VIRMA: variants seen among roughly 807,000 people sequenced by gnomAD.
VIRMA encodes the protein protein virilizer homolog.
VIRMA carries 65 observed loss-of-function variants against 182.4 expected under a neutral mutation model. The observed-to-expected ratio is 0.36, with a 90% CI of 0.29 to 0.44. The LOEUF is 0.44. Ranked by LOEUF, VIRMA falls within the 20% of genes least tolerant of loss-of-function variation. The pLI is 1.00. For synonymous variants in VIRMA, 709 were observed against 743.1 expected (o/e 0.95, Z 0.75); for missense variants, 1,752 against 2,158.1 (o/e 0.81, Z 3.73).
At position 94,530,885 on chromosome 8, in the gene VIRMA, A is replaced by G. The variant is rs1399957113; in HGVS notation, c.607+78T>C. On this transcript the variant is annotated intron_variant, in intron 6 of 23. Transcript: ENST00000297591. ...CACTGTACTCCACCCTGGGCAACAGAGTGAGACCATCTCAAAACAAAAACA... is the reference window on the plus strand; with the variant it reads ...CACTGTACTCCACCCTGGGCAACAGGGTGAGACCATCTCAAAACAAAAACA... 7 of 1,497,422 alleles carry G rather than the reference A, an allele frequency of 4.7e-6. No individual in the cohort carries two copies. The East Asian group carries it at 7.2e-5, about 15-fold the overall frequency. 92.8% of individuals were successfully genotyped at this position (1,497,422 alleles called of 1,614,324 possible).
chr8:94,510,909 G>T, intron 13 of VIRMA: 2 of 1,126,756 alleles, frequency 1.8e-6, no homozygotes, highest in Non-Finnish European at 2.4e-6. Flanking sequence ...CACATGGTAA[G>T]GTGTGGGGGA....
In VIRMA at chr8:94,516,094, G is replaced by A. The variant is rs766088012; in HGVS notation, c.2669-1143C>T. On this transcript the variant is annotated intron_variant, in intron 10 of 23. Transcript: ENST00000297591. ...CTACACTCCAGCCTGGAGACGGTGC[G>A]AGACTCTGTCTCAAAAAAAATGTAC... 3.9e-5 allele frequency among the ~76,000 whole-genome samples: 6 copies of A among 152,032 alleles called. No homozygotes were observed. In the South Asian group the frequency reaches 6.2e-4, roughly 16 times the overall value.
intron 16 of VIRMA, among the ~76,000 whole-genome samples, chr8:94,501,523 G>A (rs557853722): frequency 2.0e-5 from 3 of 152,282 alleles, no homozygotes; most frequent in East Asian, 3.9e-4. Context: ...ATGAGTTTGA[G>A]ACTGCTACTT....
chr8:94,533,017 G>GTA (rs1815223486), intron 5 of VIRMA, among the ~76,000 whole-genome samples: 1 of 151,888 alleles, frequency 6.6e-6, no homozygotes, highest in Non-Finnish European at 1.5e-5. Context: ...AAAAACACAT[G>GTA]TATATATATG....
Position 94,519,242 on chromosome 8 carries a change from A to G in VIRMA, c.2256T>C (p.Val752=). ...GCCACAAGGCAAATGCATCATCAAT[A>G]ACACCATCAGATTGGAGACCTTCCT... ...DEEEGLQSDG[V]IDDAFALWLQ... The change falls in exon 9 of 24, where the codon GTT becomes GTC. Residue 752 remains valine (V), a synonymous_variant. Coordinates refer to ENST00000297591, the MANE Select transcript of VIRMA (RefSeq NM_015496.5). 1 of 1,614,216 alleles carries G rather than the reference A, an allele frequency of 6.2e-7. No individual in the cohort carries two copies. The highest frequency in any genetic ancestry group is 1.3e-5 in the African/African-American group (1 of 75,064).
intron 8 of VIRMA, among the ~76,000 whole-genome samples, chr8:94,520,611 GT>G (rs1814728230): frequency 6.6e-6 from 1 of 151,990 alleles, no homozygotes; most frequent in Admixed American, 6.6e-5. Flanking sequence ...CATTTATATT[GT>G]ACTATGTATT....
chr8:94,489,206 T>C (rs1436811856), intron 23 of VIRMA, among the ~76,000 whole-genome samples: 2 of 152,232 alleles, frequency 1.3e-5, no homozygotes, highest in African/African-American at 4.8e-5. Context: ...AAAAAATATA[T>C]GCTGTATAAA....
At chr8:94,493,456 TAAC>T (rs1283359353) in intron 20 of VIRMA, among the ~76,000 whole-genome samples, 4 of 152,342 alleles carry the variant, frequency 2.6e-5, no homozygotes, top group East Asian at 1.9e-4. Context: ...TGGTAGCCAC[TAAC>T]AACATGTGCC....
chr8:94,492,507 C>G (rs879379916), intron 21 of VIRMA, 145 bp downstream of exon 21: 2 of 535,486 alleles, frequency 3.7e-6, no homozygotes, highest in East Asian at 6.2e-5. Flanking sequence ...CCAGAATGGT[C>G]TCGATCTCCT....
intron 7 of VIRMA, 51 bp downstream of exon 7, chr8:94,529,019 C>T (rs371367717): frequency 2.8e-5 from 44 of 1,592,734 alleles, no homozygotes; most frequent in African/African-American, 6.7e-5. Context: ...AAAGCTGTAT[C>T]GAGTTAGTTT....
chr8:94,493,783 C>G (rs1419174610), intron 20 of VIRMA, among the ~76,000 whole-genome samples: 2 of 152,112 alleles, frequency 1.3e-5, no homozygotes, highest in Non-Finnish European at 2.9e-5. Context: ...ATATGATGAA[C>G]ACCAGTATGT....
chr8:94,509,642 A>C (rs1814290435), intron 15 of VIRMA, 46 bp downstream of exon 15: 1 of 1,554,500 alleles, frequency 6.4e-7, no homozygotes, highest in African/African-American at 1.4e-5. Flanking sequence ...ACACACACAC[A>C]CACATACACA....
At chr8:94,495,092 C>G in intron 19 of VIRMA, 136 bp from the exon 20 acceptor site, 1 of 682,376 alleles carries the variant, frequency 1.5e-6, no homozygotes, top group East Asian at 2.8e-5. Context: ...CCTTGATCTC[C>G]TGGGCTCAAG....
Position 94,553,429 on chromosome 8 carries a change from T to A in VIRMA, c.19A>T (p.Met7Leu). 2 of 1,614,072 alleles carry A rather than the reference T, an allele frequency of 1.2e-6. No individual in the cohort carries two copies. Among genetic ancestry groups the A allele is most frequent in the African/African-American group, 1.3e-5 (1 of 75,000 alleles). The change falls in exon 1 of 24, where the codon ATG becomes TTG. Residue 7 changes from methionine to leucine, a missense_variant. Met to Leu is a conservative substitution (Grantham distance 15). Coordinates refer to ENST00000297591, the MANE Select transcript of VIRMA (RefSeq NM_015496.5). Reference protein sequence around the residue: MAVDSAMELLFLDTFKH... With the variant: MAVDSALELLFLDTFKH... ...AAAGTATCTAAAAATAACAGCTCCA[T>A]CGCCGAGTCCACCGCCATGTTTGCC...
intron 18 of VIRMA, 35 bp downstream of exon 18, chr8:94,496,293 A>T (rs775336655): frequency 6.3e-7 from 1 of 1,576,082 alleles, no homozygotes; most frequent in Non-Finnish European, 8.6e-7. Context: ...AGAGGAAAAT[A>T]GGCCTTAAGA....
At chr8:94,529,456 C>G in intron 6 of VIRMA, 114 bp from the exon 7 acceptor site, 1 of 617,356 alleles carries the variant, frequency 1.6e-6, no homozygotes, top group Non-Finnish European at 2.9e-6. Flanking sequence ...TATAAATACC[C>G]TTAAAAAAAA....
chr8:94,525,872 G>A (rs559073551), intron 8 of VIRMA, among the ~76,000 whole-genome samples: 1 of 152,256 alleles, frequency 6.6e-6, no homozygotes, highest in East Asian at 1.9e-4. Flanking sequence ...GTACAGATGG[G>A]TTCACACAGA....
chr8:94,488,791 G>T lies in VIRMA; in HGVS notation c.5354C>A (p.Ala1785Glu), dbSNP rs746051731. Residue 1785 changes from alanine to glutamate, a missense_variant, in exon 24 of 24, where the codon GCA becomes GAA. This residue lies in a region of VIRMA where 132 missense variants were observed against 173.8 expected (regional missense o/e 0.76). Coordinates refer to ENST00000297591, the MANE Select transcript of VIRMA (RefSeq NM_015496.5). ...TCTTGAGCCTCCACTGCCGCTATTT[G>T]CACTAGCCCAGGAAGGTCCAAGTCC... Reference protein sequence around the residue: ...RGGLGPSWASANSGSGGSRGK... With the variant: ...RGGLGPSWASENSGSGGSRGK... 6.2e-6 allele frequency: 10 copies of T among 1,614,058 alleles called. No individual in the cohort carries two copies. The highest frequency in any genetic ancestry group is 1.6e-4 in the Middle Eastern group (1 of 6,084).
chr8:94,523,643 T>C (rs1384068545), intron 8 of VIRMA, among the ~76,000 whole-genome samples: 1 of 152,008 alleles, frequency 6.6e-6, no homozygotes, highest in Non-Finnish European at 1.5e-5. Flanking sequence ...AAATTTCTTT[T>C]TTGAGACGGA....
Sources: allele counts gnomAD v4.1 joint callset (sites outside exome capture counted in the v4.1 genomes callset), GRCh38; gene constraint gnomAD v4.1.1; regional missense constraint gnomAD v4.1.1; transcripts MANE v1.5; gene names NCBI Gene and HGNC (gene_info 2026-07-23, HGNC 2026-07-21).